The following CYP39A1 variants were observed in gnomAD, a reference collection of about 807,000 sequenced individuals.
CYP39A1 encodes 24-hydroxycholesterol 7-alpha-hydroxylase.
Under a neutral mutation model 58.1 loss-of-function variants are expected in CYP39A1, and 49 were observed. The ratio of observed to expected loss-of-function variants is 0.84; its 90% CI spans 0.67 to 1.07. The LOEUF is 1.07. CYP39A1 is among the 50% of genes least tolerant of loss of function. The pLI is 0.00. For missense variants in CYP39A1, 531 were observed against 539.4 expected (o/e 0.98, Z 0.16); for synonymous variants, 209 against 187.6 (o/e 1.11, Z -0.93).
chr6:46,622,471 A>G (rs9472806), intron 7 of CYP39A1, among the ~76,000 whole-genome samples: 29,002 of 151,894 alleles, frequency 0.19, 2,972 homozygotes, highest in African/African-American at 0.27. Flanking sequence ...AATGAAGCCC[A>G]ATATGCTGGC....
rs147181001 is a variant in CYP39A1, at chr6:46,652,553, T to G, written c.30A>C (p.Ile10=). 6.2e-7 allele frequency: 1 copy of G among 1,609,542 alleles called. No individual in the cohort carries two copies. Among genetic ancestry groups the G allele is most frequent in the Non-Finnish European group, 8.5e-7 (1 of 1,178,316 alleles). The change falls in exon 1 of 12, where the codon ATA becomes ATC. Residue 10 remains isoleucine (I), a synonymous_variant. Coordinates refer to ENST00000275016, the MANE Select transcript of CYP39A1 (RefSeq NM_016593.5). MELISPTVI[I]ILGCLALFLL... ...AGAACAGAGCAAGGCAACCCAGGATTATAATCACTGTTGGGGAAATTAGTT... is the reference window on the plus strand; with the variant it reads ...AGAACAGAGCAAGGCAACCCAGGATGATAATCACTGTTGGGGAAATTAGTT...
rs552862639 is a variant in CYP39A1 at position 46,637,947 on chromosome 6, G to C, written c.520C>G (p.Leu174Val). 3.7e-5 allele frequency: 59 copies of C among 1,612,662 alleles called. 1 individual carries two copies. The South Asian group carries it at 5.7e-4, about 16-fold the overall frequency. The change falls in exon 4 of 12, where the codon CTC (leucine) becomes GTC (valine). Residue 174 changes from leucine (L) to valine (V), a missense_variant. Transcript: ENST00000275016. The part of the protein sequence containing the change: ...HLLYPVTVNM[L>V]FNKSLFSTNK... ...GTGGAAAACAAACTTTTATTAAAGAGCATATTCACTGTGACTGGATAAAGG... is the reference window on the plus strand; with the variant it reads ...GTGGAAAACAAACTTTTATTAAAGACCATATTCACTGTGACTGGATAAAGG...
intron 7 of CYP39A1, among the ~76,000 whole-genome samples, chr6:46,606,167 C>T (rs61030218): frequency 1.3e-5 from 2 of 151,904 alleles, no homozygotes; most frequent in Non-Finnish European, 2.9e-5. Flanking sequence ...GTAAAACGTT[C>T]TATATTAATA....
chr6:46,566,404 T>C (rs1370634226), intron 10 of CYP39A1, among the ~76,000 whole-genome samples: 1 of 152,034 alleles, frequency 6.6e-6, no homozygotes, highest in Non-Finnish European at 1.5e-5. Flanking sequence ...TGGTAGAAGG[T>C]GAAGGGGAAG....
intron 10 of CYP39A1, among the ~76,000 whole-genome samples, chr6:46,584,351 C>T (rs1386146794): frequency 6.6e-6 from 1 of 152,066 alleles, no homozygotes; most frequent in African/African-American, 2.4e-5. Flanking sequence ...AGGAAAACTT[C>T]AGATCTTGCT....
At chr6:46,561,697 T>A (rs1158064793) in intron 10 of CYP39A1, among the ~76,000 whole-genome samples, 1 of 152,106 alleles carries the variant, frequency 6.6e-6, no homozygotes, top group Non-Finnish European at 1.5e-5. Context: ...GAAACGGGGT[T>A]TCTCGAAGCT....
At chr6:46,592,175 T>G (rs1471614344) in intron 8 of CYP39A1, among the ~76,000 whole-genome samples, 1 of 152,086 alleles carries the variant, frequency 6.6e-6, no homozygotes, top group Non-Finnish European at 1.5e-5. Context: ...TTCATTCCAT[T>G]TCCAGGAAAG....
chr6:46,552,344 T>C (rs940610115), intron 11 of CYP39A1, among the ~76,000 whole-genome samples: 2 of 152,210 alleles, frequency 1.3e-5, no homozygotes, highest in African/African-American at 4.8e-5. Context: ...GAGAGTTGTT[T>C]TGAGTTCCCT....
At chr6:46,573,920 C>A (rs1771721204) in intron 10 of CYP39A1, among the ~76,000 whole-genome samples, 1 of 152,128 alleles carries the variant, frequency 6.6e-6, no homozygotes, top group South Asian at 2.1e-4. Flanking sequence ...TTCAATAATT[C>A]TTGAAAGAAA....
At chr6:46,564,743 G>A (rs898774276) in intron 10 of CYP39A1, among the ~76,000 whole-genome samples, 2 of 152,160 alleles carry the variant, frequency 1.3e-5, no homozygotes, top group African/African-American at 2.4e-5. Flanking sequence ...AGTCATTGTA[G>A]GTAATGCCAG....
chr6:46,608,949 G>A (rs987605584), intron 7 of CYP39A1, among the ~76,000 whole-genome samples: 2 of 151,936 alleles, frequency 1.3e-5, no homozygotes, highest in Non-Finnish European at 2.9e-5. Context: ...TATAGATAGC[G>A]AGAATGGGCT....
chr6:46,618,182 T>C (rs1294718267), intron 7 of CYP39A1, among the ~76,000 whole-genome samples: 1 of 152,154 alleles, frequency 6.6e-6, no homozygotes, highest in Non-Finnish European at 1.5e-5. Flanking sequence ...CTACGCTATC[T>C]ATCTAATTTA....
intron 8 of CYP39A1, among the ~76,000 whole-genome samples, chr6:46,591,663 C>G (rs1205429550): frequency 6.6e-6 from 1 of 151,902 alleles, no homozygotes; most frequent in Admixed American, 6.6e-5. Context: ...TCTTTGGGAT[C>G]TTCAATAATT....
At chr6:46,581,485 T>C (rs1011391823) in intron 10 of CYP39A1, among the ~76,000 whole-genome samples, 63 of 151,592 alleles carry the variant, frequency 4.2e-4, no homozygotes, top group Admixed American at 1.2e-3. Flanking sequence ...CCTGTGCAGC[T>C]ATAAAAAGAA....
chr6:46,648,421 C>A (rs1316033930), intron 1 of CYP39A1, among the ~76,000 whole-genome samples: 2 of 148,936 alleles, frequency 1.3e-5, no homozygotes, highest in African/African-American at 2.5e-5. Flanking sequence ...GACAAAAAAT[C>A]AAACACCACA....
At chr6:46,631,136 G>A in intron 5 of CYP39A1, 66 bp from the exon 6 acceptor site, 6 of 1,218,874 alleles carry the variant, frequency 4.9e-6, no homozygotes, top group East Asian at 2.3e-5. Context: ...TAATAAACAA[G>A]AGATCATGCC....
intron 10 of CYP39A1, among the ~76,000 whole-genome samples, chr6:46,576,033 T>C (rs1771827784): frequency 1.3e-5 from 2 of 152,110 alleles, no homozygotes; most frequent in South Asian, 2.1e-4. Context: ...ATGGGGTGGA[T>C]ATGGCCGAAC....
chr6:46,640,496 G>A (rs1222478689), intron 2 of CYP39A1, among the ~76,000 whole-genome samples: 5 of 151,972 alleles, frequency 3.3e-5, no homozygotes, highest in South Asian at 2.1e-4. Context: ...GTTAGTATTC[G>A]TGCTCCTTCT....
At chr6:46,583,023 T>A (rs975015831) in intron 10 of CYP39A1, 4 of 978,842 alleles carry the variant, frequency 4.1e-6, no homozygotes, top group Non-Finnish European at 4.9e-6. Context: ...ATGTGAGATT[T>A]TCATTAGGAA....
Sources: allele counts gnomAD v4.1 joint callset (sites outside exome capture counted in the v4.1 genomes callset), GRCh38; gene constraint gnomAD v4.1.1; transcripts MANE v1.5; gene names NCBI Gene and HGNC (gene_info 2026-07-23, HGNC 2026-07-21).